ZDHHC6: variants seen among roughly 807,000 people sequenced by gnomAD.
ZDHHC6 encodes zDHHC palmitoyltransferase 6.
ZDHHC6 carries 32 observed loss-of-function variants against 57.8 expected under a neutral mutation model. The ratio of observed to expected loss-of-function variants is 0.55; its 90% confidence interval spans 0.42 to 0.74. The LOEUF (loss-of-function observed/expected upper bound fraction) is 0.74, where lower values mean the gene tolerates loss of function less well. Among genes scored for constraint, ZDHHC6 ranks in the 30% least tolerant of loss-of-function variants. The pLI, the probability that ZDHHC6 is intolerant of heterozygous loss-of-function variation, is 0.00. For missense variants in ZDHHC6, 433 were observed against 500.7 expected, an observed-to-expected ratio of 0.86 and a Z score of 1.29; for synonymous variants, 128 against 158.0, an observed-to-expected ratio of 0.81 and a Z score of 1.42.
At chr10:112,426,846 A>T, downstream of ZDHHC6, 1 of 1,613,722 alleles carries the variant, frequency 6.2e-7, no homozygotes, top group African/African-American at 1.3e-5. Flanking sequence ...AGTGGCCTTA[A>T]AACTTTTGAA....
Position 112,445,652 on chromosome 10 carries a change from T to A in ZDHHC6, c.-214-2A>T. The A allele has an allele frequency of 1.8e-6, 1 of 560,106 alleles. No homozygotes were observed. Among genetic ancestry groups the A allele is most frequent in the Non-Finnish European group, 3.1e-6 (1 of 326,142 alleles). 34.7% of individuals were successfully genotyped at this position (560,106 alleles called of 1,614,324 possible). On this transcript the variant is annotated splice_acceptor_variant, in intron 1 of 10. Coordinates refer to ENST00000369405, the MANE Select transcript of ZDHHC6 (RefSeq NM_022494.3). LOFTEE classifies it low-confidence loss of function (5UTR_SPLICE). ...CAGTGTCTTGGTCTGAAACCCAACC[T>A]AAAGAAAACAAAATGGGAAAGTTCA...
intron 5 of ZDHHC6, 52 bp from the exon 6 acceptor site, chr10:112,438,441 G>T (rs1275226282): frequency 1.2e-5 from 15 of 1,244,756 alleles, no homozygotes; most frequent in Non-Finnish European, 1.6e-5. Context: ...GTTCCTTTAA[G>T]ATTATCATAT....
At chr10:112,442,481 G>A in intron 3 of ZDHHC6, 130 bp from the exon 4 acceptor site, 1 of 826,316 alleles carries the variant, frequency 1.2e-6, no homozygotes, top group Non-Finnish European at 1.8e-6. Context: ...ATACTTCATG[G>A]AACAGAAAGA....
At chr10:112,435,149 C>A (rs1302001041) in intron 6 of ZDHHC6, among the ~76,000 whole-genome samples, 4 of 152,018 alleles carry the variant, frequency 2.6e-5, no homozygotes, top group Non-Finnish European at 4.4e-5. Flanking sequence ...TGCATATATT[C>A]CAGGCATTTA....
At position 112,446,781 on chromosome 10, in the gene ZDHHC6, T is replaced by G. The variant is rs1846805521; in HGVS notation, c.-291A>C. On this transcript the variant is annotated 5_prime_UTR_variant, in exon 1 of 11. Coordinates refer to ENST00000369405, the MANE Select transcript of ZDHHC6 (RefSeq NM_022494.3). ...CCTGGGCTCACCCGGAACAGATTTTTTCCTCCTTGGATGACTCCGTCATGG... is the reference window on the plus strand; with the variant it reads ...CCTGGGCTCACCCGGAACAGATTTTGTCCTCCTTGGATGACTCCGTCATGG... 5.9e-6 allele frequency: 1 copy of G among 168,228 alleles called. No individual in the cohort carries two copies. The highest frequency in any genetic ancestry group is 6.3e-5 in the Admixed American group (1 of 15,754). 10.4% of individuals were successfully genotyped at this position (168,228 alleles called of 1,614,324 possible). A position where few individuals can be genotyped will look rare whatever the true frequency, so the allele number is the denominator to read the frequency against.
exon 12 of ZDHHC6, chr10:112,425,256 G>C (rs1844622388): frequency 1.6e-6 from 2 of 1,273,420 alleles, no homozygotes; most frequent in African/African-American, 3.1e-5. Context: ...AGAGAAGAAA[G>C]ATGACTGTGA....
At chr10:112,445,129 G>T (rs1281869544) in intron 2 of ZDHHC6, 41 bp downstream of exon 2, 2 of 1,581,186 alleles carry the variant, frequency 1.3e-6, no homozygotes, top group East Asian at 2.2e-5. Flanking sequence ...CCAAATATAC[G>T]ATTATCATTA....
At chr10:112,444,112 T>C (rs1463802660) in intron 2 of ZDHHC6, among the ~76,000 whole-genome samples, 1 of 152,214 alleles carries the variant, frequency 6.6e-6, no homozygotes, top group Non-Finnish European at 1.5e-5. Context: ...CACCTCTGAC[T>C]GTGTCAGACT....
chr10:112,442,062 A>G, intron 4 of ZDHHC6, 130 bp downstream of exon 4: 2 of 1,138,484 alleles, frequency 1.8e-6, no homozygotes, highest in Non-Finnish European at 1.2e-6. Flanking sequence ...ATATACCAGT[A>G]AAACAAAGTT....
intron 10 of ZDHHC6, 88 bp downstream of exon 10, chr10:112,432,152 C>G (rs1845101484): frequency 7.7e-7 from 1 of 1,306,496 alleles, no homozygotes; most frequent in Admixed American, 2.5e-5. Flanking sequence ...ATGCATTAGG[C>G]ATGATTGGTT....
chr10:112,433,372 CA>C, intron 7 of ZDHHC6, 91 bp from the exon 8 acceptor site: 1 of 1,027,162 alleles, frequency 9.7e-7, no homozygotes. Context: ...AGTGATATGG[CA>C]AAACCCCAAT....
At chr10:112,434,536 C>A in intron 6 of ZDHHC6, 72 bp from the exon 7 acceptor site, 1 of 1,380,876 alleles carries the variant, frequency 7.2e-7, no homozygotes, top group Non-Finnish European at 9.7e-7. Context: ...TTATTGAGAA[C>A]ACTTATTTCT....
At chr10:112,425,365 A>G, downstream of ZDHHC6, 1 of 1,613,390 alleles carries the variant, frequency 6.2e-7, no homozygotes, top group Non-Finnish European at 8.5e-7. Flanking sequence ...CATCGACCGT[A>G]AAAAGAACAT....
exon 12 of ZDHHC6, chr10:112,425,295 T>C (rs902111014): frequency 1.5e-5 from 24 of 1,562,938 alleles, no homozygotes; most frequent in Non-Finnish European, 1.9e-5. Context: ...TGATATCATC[T>C]CTGTGGCTCA....
intron 1 of ZDHHC6, among the ~76,000 whole-genome samples, chr10:112,446,388 A>G (rs1564774011): frequency 6.6e-6 from 1 of 152,150 alleles, no homozygotes. Context: ...TGCCTCCAGG[A>G]GCGAGGGAAA....
intron 1 of ZDHHC6, among the ~76,000 whole-genome samples, chr10:112,446,035 C>T (rs2133967636): frequency 6.6e-6 from 1 of 152,262 alleles, no homozygotes; most frequent in African/African-American, 2.4e-5. Context: ...AGTGATTAGA[C>T]CAAGGTCACA....
chr10:112,433,248 C>G lies in ZDHHC6; in HGVS notation c.937G>C (p.Val313Leu), dbSNP rs201056784. 5.5e-5 allele frequency: 88 copies of G among 1,589,392 alleles called. No individual in the cohort carries two copies. The highest frequency in any genetic ancestry group is 7.3e-5 in the Non-Finnish European group (85 of 1,170,306). ...EQLKQKADKR[V>L]RSVRYKVIED... ...GCAAAAGAAGTACTTACACTTCTGA[C>G]TCTCTTATCTGCTTTTTGTTTCAAC... The change falls in exon 8 of 11, where the codon GTC (valine) becomes CTC (leucine). Residue 313 changes from valine to leucine, a missense_variant. Physicochemically the swap from Val to Leu is conservative, Grantham distance 32. Coordinates refer to ENST00000369405, the MANE Select transcript of ZDHHC6 (RefSeq NM_022494.3).
At chr10:112,432,661 T>C in intron 8 of ZDHHC6, 140 bp from the exon 9 acceptor site, 1 of 1,002,332 alleles carries the variant, frequency 1.0e-6, no homozygotes. Context: ...AACCTCCCAG[T>C]TCCCCATCCA....
At chr10:112,436,349 C>G (rs973248364) in intron 6 of ZDHHC6, among the ~76,000 whole-genome samples, 4 of 152,164 alleles carry the variant, frequency 2.6e-5, no homozygotes, top group African/African-American at 9.7e-5. Context: ...GTGGCATACA[C>G]CTTGTAATCC....
Sources: allele counts gnomAD v4.1 joint callset (sites outside exome capture counted in the v4.1 genomes callset), GRCh38; gene constraint gnomAD v4.1.1; transcripts MANE v1.5; gene names NCBI Gene and HGNC (gene_info 2026-07-23, HGNC 2026-07-21).